Variants in NBAS observed in about 807,000 individuals in gnomAD.
NBAS encodes NAG/BC035112 fusion.
NBAS carries 219 observed loss-of-function variants against 302.5 expected under a neutral mutation model. The observed-to-expected ratio is 0.72, with a 90% CI of 0.65 to 0.81. The LOEUF (loss-of-function observed/expected upper bound fraction) is 0.81, where lower values mean the gene tolerates loss of function less well. Ranked by LOEUF, NBAS falls within the 30% of genes least tolerant of loss-of-function variation. NBAS has a pLI of 0.00. For synonymous variants in NBAS, 1,118 were observed against 1,021.6 expected (o/e 1.09, Z -1.80); for missense variants, 2,932 against 2,841.6 (o/e 1.03, Z -0.72).
At chr2:15,068,329 G>C in the NBAS span, among the ~76,000 whole-genome samples, 1 of 152,218 alleles carries the variant, frequency 6.6e-6, no homozygotes. Context: ...GCCGAATTCA[G>C]TGGCAGCTAC....
At chr2:15,529,553 G>GGAA (rs1411677304) in intron 9 of NBAS, among the ~76,000 whole-genome samples, 2 of 151,922 alleles carry the variant, frequency 1.3e-5, no homozygotes, top group Non-Finnish European at 2.9e-5. Context: ...AGACTTTAAA[G>GGAA]GAAGAAACCT....
chr2:14,926,248 C>G, the NBAS span, among the ~76,000 whole-genome samples: 2 of 152,218 alleles, frequency 1.3e-5, no homozygotes, highest in Non-Finnish European at 2.9e-5. Context: ...CCTACCTCCA[C>G]TGCAGCTAGA....
chr2:15,461,212 C>A lies in NBAS; in HGVS notation c.2328G>T (p.Leu776=), dbSNP rs1679491534. The change falls in exon 21 of 52, where the codon CTG becomes CTT. Residue 776 remains leucine (L), a synonymous_variant. Coordinates refer to ENST00000281513, the MANE Select transcript of NBAS (RefSeq NM_015909.4). The part of the protein sequence containing the change: ...TTSPHEYSVL[L]PEACFNGDSL... ...ACATAGTCACATACCAAGCTTCGGGCAGCAAAACAGAATATTCATGTGGAG... is the reference window on the plus strand; with the variant it reads ...ACATAGTCACATACCAAGCTTCGGGAAGCAAAACAGAATATTCATGTGGAG... 4 of 1,613,450 alleles carry A rather than the reference C, an allele frequency of 2.5e-6. No homozygotes were observed. In the South Asian group the frequency reaches 4.4e-5, roughly 18 times the overall value.
At chr2:15,162,371 C>A (rs1342862510), downstream of NBAS, among the ~76,000 whole-genome samples, 1 of 152,226 alleles carries the variant, frequency 6.6e-6, no homozygotes, top group East Asian at 1.9e-4. Context: ...CTAGCTCCCT[C>A]ATCACCTGAC....
At chr2:15,125,608 G>A in the NBAS span, among the ~76,000 whole-genome samples, 3 of 152,320 alleles carry the variant, frequency 2.0e-5, no homozygotes, top group South Asian at 6.2e-4. Context: ...GTGTTCCCTG[G>A]ATGTGAGACA....
chr2:14,936,306 T>C, the NBAS span, among the ~76,000 whole-genome samples: 1 of 152,188 alleles, frequency 6.6e-6, no homozygotes, highest in African/African-American at 2.4e-5. Context: ...AACCAAAATC[T>C]AATTTATTCT....
At chr2:15,034,290 AAGAAAG>A in the NBAS span, among the ~76,000 whole-genome samples, 186 of 96,096 alleles carry the variant, frequency 1.9e-3, 7 homozygotes, top group Non-Finnish European at 2.6e-3. Flanking sequence ...GAAAGAAAGA[AAGAAAG>A]AAAGAAAGAT....
chr2:15,320,307 A>T (rs551262725), intron 38 of NBAS, among the ~76,000 whole-genome samples: 1 of 152,300 alleles, frequency 6.6e-6, no homozygotes, highest in East Asian at 1.9e-4. Flanking sequence ...AATGGGCAAA[A>T]ACTGGAAGCA....
chr2:15,232,784 C>T (rs950801353), intron 46 of NBAS, among the ~76,000 whole-genome samples: 5 of 152,046 alleles, frequency 3.3e-5, no homozygotes, highest in African/African-American at 1.2e-4. Flanking sequence ...ATTCGAAAAA[C>T]ATTCGTTGAA....
intron 31 of NBAS, among the ~76,000 whole-genome samples, chr2:15,372,507 T>C (rs559555077): frequency 1.4e-4 from 21 of 152,204 alleles, no homozygotes; most frequent in Non-Finnish European, 2.2e-4. Flanking sequence ...AATTTCTAAA[T>C]ATCTAGTTGT....
the NBAS span, among the ~76,000 whole-genome samples, chr2:14,953,502 A>T: frequency 6.6e-6 from 1 of 152,238 alleles, no homozygotes; most frequent in Non-Finnish European, 1.5e-5. Context: ...TGGCAACAGG[A>T]CTGCCTGATC....
the NBAS span, among the ~76,000 whole-genome samples, chr2:14,964,271 T>C: frequency 6.6e-6 from 1 of 152,190 alleles, no homozygotes; most frequent in Non-Finnish European, 1.5e-5. Flanking sequence ...ATTATTATTA[T>C]AACTGTATTC....
chr2:14,856,874 T>C, the NBAS span, among the ~76,000 whole-genome samples: 11 of 151,752 alleles, frequency 7.2e-5, no homozygotes, highest in Admixed American at 7.2e-4. Flanking sequence ...GGAAAAAAGG[T>C]ATTCAAATTA....
chr2:14,975,198 CCCTAAACA>C, the NBAS span, among the ~76,000 whole-genome samples: 1 of 152,182 alleles, frequency 6.6e-6, no homozygotes, highest in Admixed American at 6.5e-5. Context: ...CCTTGTGAGA[CCCTAAACA>C]GGGTAACTTG....
the NBAS span, among the ~76,000 whole-genome samples, chr2:14,790,626 C>A: frequency 2.0e-5 from 3 of 150,156 alleles, no homozygotes; most frequent in Non-Finnish European, 3.0e-5. Flanking sequence ...AAGGTAGATA[C>A]TTCTCACAGA....
chr2:14,924,544 C>T, the NBAS span, among the ~76,000 whole-genome samples: 1 of 152,138 alleles, frequency 6.6e-6, no homozygotes, highest in African/African-American at 2.4e-5. Flanking sequence ...CAAAACAGTC[C>T]CCCCAATGGA....
intron 47 of NBAS, among the ~76,000 whole-genome samples, chr2:15,225,064 T>A (rs2147905264): frequency 6.6e-6 from 1 of 152,290 alleles, no homozygotes; most frequent in South Asian, 2.1e-4. Context: ...CCTGGAATGG[T>A]AAGGATGTTG....
the NBAS span, among the ~76,000 whole-genome samples, chr2:15,009,686 A>G: frequency 1.5e-5 from 1 of 66,682 alleles, no homozygotes; most frequent in African/African-American, 5.5e-5. Flanking sequence ...ATATATATGT[A>G]GGAATGCATA....
At chr2:15,290,551 T>C (rs558681687) in intron 41 of NBAS, among the ~76,000 whole-genome samples, 15 of 152,294 alleles carry the variant, frequency 9.8e-5, no homozygotes, top group African/African-American at 3.4e-4. Flanking sequence ...ATAATCACCT[T>C]CTAAGAAACC....
Sources: allele counts gnomAD v4.1 joint callset (sites outside exome capture counted in the v4.1 genomes callset), GRCh38; gene constraint gnomAD v4.1.1; transcripts MANE v1.5; gene names NCBI Gene and HGNC (gene_info 2026-07-23, HGNC 2026-07-21).